Variants in PCDHA4 observed in about 807,000 individuals in gnomAD.
PCDHA4 encodes the protein protocadherin alpha-4.
A neutral mutation model predicts 61.4 loss-of-function variants in PCDHA4; 49 were observed. The observed-to-expected ratio is 0.80, with a 90% CI of 0.63 to 1.01. PCDHA4 has a LOEUF of 1.01. Ranked by LOEUF, PCDHA4 falls within the 50% of genes least tolerant of loss-of-function variation. The pLI is 0.00. For synonymous variants in PCDHA4, 590 were observed against 550.3 expected (o/e 1.07, Z -1.01); for missense variants, 1,254 against 1,235.8 (o/e 1.01, Z -0.22).
chr5:140,870,987 C>T (rs782771467), intron 1 of PCDHA4: 51 of 1,613,334 alleles, frequency 3.2e-5, no homozygotes, highest in Non-Finnish European at 4.1e-5. Context: ...TGTACACGGG[C>T]GAGATAAGCA....
In PCDHA4 at chr5:140,858,202, A is replaced by C. The variant is rs782325182; in HGVS notation, c.2385+48630A>C. On this transcript the variant is annotated intron_variant, in intron 1 of 3. Transcript: ENST00000530339. The stretch of plus-strand genomic sequence containing the variant: ...TGCTCACGCTGCTGCTGTACACTGC[A>C]CTGAGGTGCTCGGCGGCGCCCACCG... The C allele has an allele frequency of 1.9e-6, 3 of 1,596,904 alleles. No homozygotes were observed. In the East Asian group the frequency reaches 6.7e-5, roughly 36 times the overall value.
At chr5:140,920,501 A>G (rs1404369467) in intron 1 of PCDHA4, among the ~76,000 whole-genome samples, 1 of 152,194 alleles carries the variant, frequency 6.6e-6, no homozygotes, top group Non-Finnish European at 1.5e-5. Context: ...AGAGTTCTAC[A>G]TACTGTTTTA....
chr5:140,883,558 G>A, intron 1 of PCDHA4: 2 of 1,614,190 alleles, frequency 1.2e-6, no homozygotes, highest in South Asian at 1.1e-5. Context: ...CGCGGGACGG[G>A]GGCTCGCCTT....
intron 1 of PCDHA4, chr5:140,814,920 C>A (rs2126660110): frequency 2.6e-5 from 4 of 152,204 alleles, no homozygotes; most frequent in South Asian, 2.1e-4. Flanking sequence ...GGTGAATTGA[C>A]CTTTTATCAT....
Position 140,884,686 on chromosome 5 carries a change from G to C in PCDHA4, c.2385+75114G>C, listed in dbSNP as rs376199469. 72 of 1,538,980 alleles carry C rather than the reference G, an allele frequency of 4.7e-5. No homozygotes were observed. The African/African-American group carries it at 8.7e-4, about 19-fold the overall frequency. ...AGGTAAGCTTATATTTTAAAAAATT[G>C]TCTTAGTAAACACTTTAGCCTTCCT... On this transcript the variant is annotated intron_variant, in intron 1 of 3. Transcript: ENST00000530339.
In PCDHA4 at chr5:140,829,584, G is replaced by A. The variant is rs1198811288; in HGVS notation, c.2385+20012G>A. ...GTGTCCTACTCGCTGGTGGAGCGGC[G>A]GGTGGGCGAGCGCGCGTTGTCGAGC... On this transcript the variant is annotated intron_variant, in intron 1 of 3. Coordinates refer to ENST00000530339, the MANE Select transcript of PCDHA4 (RefSeq NM_018907.4). 5 of 1,612,124 alleles carry A rather than the reference G, an allele frequency of 3.1e-6. No individual in the cohort carries two copies. In the African/African-American group the frequency reaches 5.3e-5, roughly 17 times the overall value.
chr5:140,843,519 G>A, intron 1 of PCDHA4: 1 of 1,595,904 alleles, frequency 6.3e-7, no homozygotes, highest in Non-Finnish European at 8.6e-7. Context: ...GGCGGGTGCC[G>A]GGCGGGCAAG....
Position 140,857,147 on chromosome 5 carries a change from G to A in PCDHA4, c.2385+47575G>A, listed in dbSNP as rs145115378. 1.4e-4 allele frequency: 222 copies of A among 1,598,286 alleles called. 15 individuals carry two copies. The African/African-American group carries it at 2.2e-3, about 15-fold the overall frequency. ...GAAAGAAGATGCTCAAGTGGGCACC[G>A]TCATTGCCCTAATCAGCGTTTCTGA... On this transcript the variant is annotated intron_variant, in intron 1 of 3. Coordinates refer to ENST00000530339, the MANE Select transcript of PCDHA4 (RefSeq NM_018907.4).
intron 1 of PCDHA4, chr5:140,856,710 T>A: frequency 6.3e-7 from 1 of 1,596,610 alleles, no homozygotes; most frequent in Non-Finnish European, 8.6e-7. Context: ...AAACCTGAAT[T>A]TACCGGATCT....
chr5:140,882,745 T>C (rs782756975), intron 1 of PCDHA4: 1 of 1,614,124 alleles, frequency 6.2e-7, no homozygotes, highest in Non-Finnish European at 8.5e-7. Flanking sequence ...GCGCATCCGA[T>C]GCAGATATTG....
At chr5:140,949,634 G>A (rs1172841481) in intron 1 of PCDHA4, among the ~76,000 whole-genome samples, 3 of 151,562 alleles carry the variant, frequency 2.0e-5, no homozygotes, top group East Asian at 1.9e-4. Flanking sequence ...ATGGCATATT[G>A]CTTTTTGTTC....
intron 2 of PCDHA4, among the ~76,000 whole-genome samples, chr5:140,980,478 A>G (rs1186753725): frequency 2.6e-5 from 4 of 152,172 alleles, no homozygotes; most frequent in African/African-American, 4.8e-5. Context: ...AAAAATACAA[A>G]AATTAGCTGG....
chr5:140,900,151 G>A lies in PCDHA4; in HGVS notation c.2386-78798G>A, dbSNP rs114795695. On this transcript the variant is annotated intron_variant, in intron 1 of 3. Coordinates refer to ENST00000530339, the MANE Select transcript of PCDHA4 (RefSeq NM_018907.4). ...GTACCACAAATAAGTAAGAACATAC[G>A]ATATTTGTCTTTCTGTGCCTGGTTT... is the stretch of plus-strand genomic sequence containing the variant. Among the ~76,000 whole-genome samples, 787 of 152,242 alleles carry A rather than the reference G, an allele frequency of 5.2e-3. 9 individuals carry two copies. Among genetic ancestry groups the A allele is most frequent in the African/African-American group, 0.018 (746 of 41,554 alleles).
chr5:140,841,315 A>G, intron 1 of PCDHA4: 2 of 1,599,632 alleles, frequency 1.3e-6, no homozygotes, highest in South Asian at 1.1e-5. Flanking sequence ...GGAAACGACT[A>G]TTTAACATGG....
intron 1 of PCDHA4, among the ~76,000 whole-genome samples, chr5:140,941,955 A>G (rs1424348103): frequency 1.3e-5 from 2 of 152,216 alleles, no homozygotes; most frequent in Non-Finnish European, 2.9e-5. Flanking sequence ...TTTGAAAACA[A>G]TAGTATCTTT....
chr5:140,823,731 C>A, intron 1 of PCDHA4: 1 of 1,613,874 alleles, frequency 6.2e-7, no homozygotes, highest in Non-Finnish European at 8.5e-7. Context: ...TGGTGAAGGA[C>A]CATGGAGAGC....
chr5:140,826,209 A>G (rs1474766554), intron 1 of PCDHA4, among the ~76,000 whole-genome samples: 1 of 152,256 alleles, frequency 6.6e-6, no homozygotes, highest in Non-Finnish European at 1.5e-5. Flanking sequence ...CACATTTTAA[A>G]AAATCAAGTT....
At chr5:140,945,760 G>T (rs2093839081) in intron 1 of PCDHA4, among the ~76,000 whole-genome samples, 2 of 152,154 alleles carry the variant, frequency 1.3e-5, no homozygotes, top group East Asian at 1.9e-4. Flanking sequence ...AAATGGTGGT[G>T]GGACAATTTG....
intron 1 of PCDHA4, chr5:140,850,770 T>C (rs2150497616): frequency 6.3e-7 from 1 of 1,598,038 alleles, no homozygotes; most frequent in Non-Finnish European, 8.6e-7. Flanking sequence ...GCAGAGGGTG[T>C]GCTCTGGCGA....
Sources: gnomAD v4.1 joint callset for allele counts (sites outside exome capture counted in the v4.1 genomes callset) on GRCh38, gnomAD v4.1.1 for gene constraint, MANE v1.5 for transcripts, NCBI Gene and HGNC (gene_info 2026-07-23, HGNC 2026-07-21) for gene names.